The following TBC1D22A variants were observed in gnomAD, a reference collection of about 807,000 sequenced individuals.
TBC1D22A encodes TBC1 domain family member 22A.
TBC1D22A carries 38 observed loss-of-function variants against 60.2 expected under a neutral mutation model. The observed-to-expected ratio is 0.63, with a 90% CI of 0.49 to 0.83. TBC1D22A has a LOEUF of 0.83. Ranked by LOEUF, TBC1D22A falls within the 40% of genes least tolerant of loss-of-function variation. TBC1D22A has a pLI of 0.00. For missense variants in TBC1D22A, 628 were observed against 701.0 expected, an observed-to-expected ratio of 0.90 and a Z score of 1.18; for synonymous variants, 302 against 281.7, an observed-to-expected ratio of 1.07 and a Z score of -0.72.
At chr22:47,096,783 C>T (rs972917621) in intron 11 of TBC1D22A, among the ~76,000 whole-genome samples, 1 of 152,116 alleles carries the variant, frequency 6.6e-6, no homozygotes, top group Non-Finnish European at 1.5e-5. Flanking sequence ...GATTGTGCCA[C>T]AGCACTCCAG....
intron 10 of TBC1D22A, among the ~76,000 whole-genome samples, chr22:47,031,741 G>T (rs1373637444): frequency 6.6e-6 from 1 of 152,176 alleles, no homozygotes; most frequent in Non-Finnish European, 1.5e-5. Flanking sequence ...CAGGTGAGGG[G>T]CCGGGGTCCC....
At chr22:47,140,957 G>A (rs1244178677) in intron 12 of TBC1D22A, among the ~76,000 whole-genome samples, 3 of 152,246 alleles carry the variant, frequency 2.0e-5, no homozygotes, top group Admixed American at 2.0e-4. Context: ...TGGCTTGTTA[G>A]CATGTATGTT....
In TBC1D22A at chr22:47,110,547, G is replaced by A. The variant is rs762960439; in HGVS notation, c.1330-961G>A. Among the ~76,000 whole-genome samples, 17 of 152,170 alleles carry A rather than the reference G, an allele frequency of 1.1e-4. 1 individual carries two copies. The highest frequency in any genetic ancestry group is 5.9e-4 in the Admixed American group (9 of 15,276). ...TGTTTGCTCATTTGTCACCTTAGGCGATTGACCGTTGTACTGAAGTGGCAT... is the reference window on the plus strand; with the variant it reads ...TGTTTGCTCATTTGTCACCTTAGGCAATTGACCGTTGTACTGAAGTGGCAT... On this transcript the variant is annotated intron_variant, in intron 11 of 12. Coordinates refer to ENST00000337137, the MANE Select transcript of TBC1D22A (RefSeq NM_014346.5).
intron 5 of TBC1D22A, among the ~76,000 whole-genome samples, chr22:46,885,966 G>C (rs1185639245): frequency 6.7e-6 from 1 of 149,986 alleles, no homozygotes; most frequent in East Asian, 1.9e-4. Flanking sequence ...GGAGTGCAGT[G>C]GTGCGATCTT....
At position 46,926,264 on chromosome 22, in the gene TBC1D22A, A is replaced by G. The variant is rs142854470; in HGVS notation, c.1015+14076A>G. Among the ~76,000 whole-genome samples, 567 of 152,332 alleles carry G rather than the reference A, an allele frequency of 3.7e-3. 2 individuals are homozygous for G. The highest frequency in any genetic ancestry group is 0.013 in the African/African-American group (536 of 41,576). On this transcript the variant is annotated intron_variant, in intron 8 of 12. Transcript: ENST00000337137. ...TCCGAAACTTAGAAAAAGAAGGGTA[A>G]AATAAAGCCAAAACAAACAGAAGGG...
chr22:47,126,077 G>T lies in TBC1D22A; in HGVS notation c.1425+14474G>T, dbSNP rs147958635. On this transcript the variant is annotated intron_variant, in intron 12 of 12. Transcript: ENST00000337137. ...GCTCACTGCAGCCTCCGCCTCCCAGGTTCAAGTGAGTCTTCCGTCTCAGCC... is the reference window on the plus strand; with the variant it reads ...GCTCACTGCAGCCTCCGCCTCCCAGTTTCAAGTGAGTCTTCCGTCTCAGCC... 3.1e-3 allele frequency among the ~76,000 whole-genome samples: 471 copies of T among 152,316 alleles called. 4 individuals are homozygous for T. Among genetic ancestry groups the T allele is most frequent in the Non-Finnish European group, 5.2e-3 (351 of 68,020 alleles).
At chr22:47,073,814 T>C (rs901826080) in intron 11 of TBC1D22A, among the ~76,000 whole-genome samples, 4 of 152,152 alleles carry the variant, frequency 2.6e-5, no homozygotes, top group African/African-American at 9.7e-5. Flanking sequence ...GGGAGCTTTC[T>C]AAAAAAGATA....
chr22:47,109,691 C>T (rs1274801723), intron 11 of TBC1D22A, among the ~76,000 whole-genome samples: 1 of 152,174 alleles, frequency 6.6e-6, no homozygotes, highest in African/African-American at 2.4e-5. Context: ...TAGGAACTGG[C>T]AACTTCGCCC....
At chr22:46,804,123 C>T (rs2146978077) in intron 4 of TBC1D22A, among the ~76,000 whole-genome samples, 1 of 152,372 alleles carries the variant, frequency 6.6e-6, no homozygotes, top group South Asian at 2.1e-4. Flanking sequence ...GCTTTCCCAA[C>T]CGTGTGACTC....
intron 11 of TBC1D22A, among the ~76,000 whole-genome samples, chr22:47,062,393 C>G (rs1280996694): frequency 1.3e-5 from 2 of 152,188 alleles, no homozygotes; most frequent in Non-Finnish European, 2.9e-5. Flanking sequence ...GGCCTGCTGG[C>G]TTTACAGTCA....
intron 4 of TBC1D22A, among the ~76,000 whole-genome samples, chr22:46,858,395 G>C (rs1027832920): frequency 6.6e-6 from 1 of 152,190 alleles, no homozygotes. Context: ...CATGAGGACC[G>C]GGCTGGAGGC....
At chr22:46,902,509 G>A (rs6009044) in intron 7 of TBC1D22A, among the ~76,000 whole-genome samples, 6,977 of 152,278 alleles carry the variant, frequency 0.046, 528 homozygotes, top group African/African-American at 0.16. Flanking sequence ...AAACACAGCC[G>A]CATCCTTAGG....
chr22:47,164,437 T>G (rs907397916), intron 12 of TBC1D22A, among the ~76,000 whole-genome samples: 1 of 152,110 alleles, frequency 6.6e-6, no homozygotes, highest in African/African-American at 2.4e-5. Context: ...CAGGTTGAGC[T>G]CCTCCTAGGG....
chr22:46,956,688 C>T (rs1180852634), intron 8 of TBC1D22A, among the ~76,000 whole-genome samples: 4 of 152,066 alleles, frequency 2.6e-5, no homozygotes, highest in Non-Finnish European at 5.9e-5. Context: ...GCCTGTGGTC[C>T]GCCGTCTGTG....
At chr22:47,158,897 C>A (rs943516240) in intron 12 of TBC1D22A, among the ~76,000 whole-genome samples, 1 of 151,908 alleles carries the variant, frequency 6.6e-6, no homozygotes, top group Admixed American at 6.6e-5. Context: ...ACACACACAC[C>A]ACAGTTACCA....
chr22:46,785,254 G>A (rs1412333346), intron 1 of TBC1D22A, among the ~76,000 whole-genome samples: 34 of 152,330 alleles, frequency 2.2e-4, no homozygotes, highest in Admixed American at 2.2e-3. Flanking sequence ...GTCTAGCAGT[G>A]ATGCAGGCTG....
At chr22:47,031,776 T>G (rs1304382675) in intron 10 of TBC1D22A, among the ~76,000 whole-genome samples, 1 of 152,116 alleles carries the variant, frequency 6.6e-6, no homozygotes, top group African/African-American at 2.4e-5. Flanking sequence ...TGTGCCCCCC[T>G]TCAGGAGCTG....
intron 8 of TBC1D22A, among the ~76,000 whole-genome samples, chr22:46,956,323 C>T (rs570204476): frequency 3.2e-4 from 49 of 152,300 alleles, no homozygotes; most frequent in African/African-American, 1.1e-3. Flanking sequence ...CAGTGGCTCA[C>T]GCCTGTAATC....
intron 9 of TBC1D22A, among the ~76,000 whole-genome samples, chr22:46,981,868 TG>T (rs2074525772): frequency 6.6e-6 from 1 of 152,230 alleles, no homozygotes; most frequent in African/African-American, 2.4e-5. Flanking sequence ...TTTGGGCAAA[TG>T]GACATACCTA....
Sources: allele counts gnomAD v4.1 joint callset (sites outside exome capture counted in the v4.1 genomes callset), GRCh38; gene constraint gnomAD v4.1.1; transcripts MANE v1.5; gene names NCBI Gene and HGNC (gene_info 2026-07-23, HGNC 2026-07-21).